The following ZNF654 variants were observed in gnomAD, a reference collection of about 807,000 sequenced individuals.
ZNF654 encodes the protein zinc finger protein 654.
ZNF654 carries 19 observed loss-of-function variants against 95.3 expected under a neutral mutation model. The ratio of observed to expected loss-of-function variants is 0.20; its 90% CI spans 0.14 to 0.29. The LOEUF is 0.29. Among genes scored for constraint, ZNF654 ranks in the 10% least tolerant of loss-of-function variants. ZNF654 has a pLI of 1.00. For synonymous variants in ZNF654, 413 were observed against 457.9 expected, an observed-to-expected ratio of 0.90 and a Z score of 1.25; for missense variants, 1,046 against 1,341.0, an observed-to-expected ratio of 0.78 and a Z score of 3.44.
At chr3:88,119,860 T>G (rs893629010) in intron 3 of ZNF654, among the ~76,000 whole-genome samples, 2 of 152,192 alleles carry the variant, frequency 1.3e-5, no homozygotes, top group African/African-American at 4.8e-5. Flanking sequence ...ACCAACTAAT[T>G]TTGAAATATG....
chr3:88,076,258 G>A lies in ZNF654; in HGVS notation c.187-9999G>A, dbSNP rs192089089. On this transcript the variant is annotated intron_variant, in intron 1 of 8. Transcript: ENST00000636215. ...AGCTTTTGCCATATTGCCATAGTTG[G>A]ATCTCCGGTCTGGTTCACTCTTGAC... Among the ~76,000 whole-genome samples, 73 of 152,224 alleles carry A rather than the reference G, an allele frequency of 4.8e-4. No individual in the cohort carries two copies. In the Middle Eastern group the frequency reaches 0.01, roughly 21 times the overall value.
intron 1 of ZNF654, among the ~76,000 whole-genome samples, chr3:88,065,640 A>G (rs1351098312): frequency 6.6e-6 from 1 of 152,114 alleles, no homozygotes; most frequent in East Asian, 1.9e-4. Context: ...AGTTTTTTAA[A>G]AATTAAACCT....
intron 1 of ZNF654, among the ~76,000 whole-genome samples, chr3:88,077,593 T>G (rs965747584): frequency 6.6e-6 from 1 of 152,180 alleles, no homozygotes; most frequent in Non-Finnish European, 1.5e-5. Flanking sequence ...ATGAAAAACT[T>G]GCATTTGTGG....
At chr3:88,069,054 A>C (rs946049887) in intron 1 of ZNF654, among the ~76,000 whole-genome samples, 40 of 152,230 alleles carry the variant, frequency 2.6e-4, no homozygotes, top group Admixed American at 6.5e-4. Context: ...TCAAGGCAGC[A>C]GAAACTAAAG....
chr3:88,101,494 GA>G (rs1466035074), intron 2 of ZNF654, among the ~76,000 whole-genome samples: 1 of 152,180 alleles, frequency 6.6e-6, no homozygotes, highest in East Asian at 1.9e-4. Context: ...TAATGTTCTT[GA>G]GGTTTACCTA....
At chr3:88,113,297 T>A in intron 3 of ZNF654, 101 bp downstream of exon 3, 1 of 642,224 alleles carries the variant, frequency 1.6e-6, no homozygotes, top group Non-Finnish European at 2.5e-6. Flanking sequence ...TATAAGTTTT[T>A]AATGATTGCT....
chr3:88,067,451 T>A (rs980282123), intron 1 of ZNF654, among the ~76,000 whole-genome samples: 1 of 152,150 alleles, frequency 6.6e-6, no homozygotes, highest in Non-Finnish European at 1.5e-5. Flanking sequence ...TATGTGTGAA[T>A]GAGCTCACAT....
intron 6 of ZNF654, among the ~76,000 whole-genome samples, chr3:88,131,478 T>C (rs1706460160): frequency 6.6e-6 from 1 of 152,180 alleles, no homozygotes; most frequent in South Asian, 2.1e-4. Flanking sequence ...GTTCTTTCAT[T>C]GTAATATACT....
At chr3:88,121,511 C>T (rs546315481) in intron 3 of ZNF654, among the ~76,000 whole-genome samples, 7 of 152,100 alleles carry the variant, frequency 4.6e-5, no homozygotes, top group African/African-American at 1.7e-4. Flanking sequence ...TTTATATGGG[C>T]AAGCTCAGAA....
chr3:88,086,523 T>C, intron 2 of ZNF654, 121 bp downstream of exon 2: 2 of 910,012 alleles, frequency 2.2e-6, no homozygotes, highest in Admixed American at 6.9e-5. Context: ...AAGAAATGTT[T>C]ATTTTTTTCA....
At chr3:88,099,772 T>C (rs1704294028) in intron 2 of ZNF654, among the ~76,000 whole-genome samples, 1 of 152,240 alleles carries the variant, frequency 6.6e-6, no homozygotes, top group South Asian at 2.1e-4. Context: ...GCTAGCCATA[T>C]GTAGAAAGCT....
At chr3:88,117,391 ATAAT>A (rs1033215980) in intron 3 of ZNF654, among the ~76,000 whole-genome samples, 1 of 152,152 alleles carries the variant, frequency 6.6e-6, no homozygotes, top group African/African-American at 2.4e-5. Context: ...GCCAGCATAA[ATAAT>A]GTCTGGATTT....
intron 3 of ZNF654, among the ~76,000 whole-genome samples, chr3:88,118,377 A>C (rs1311826602): frequency 1.3e-5 from 2 of 152,138 alleles, no homozygotes; most frequent in Non-Finnish European, 2.9e-5. Flanking sequence ...GGAGAAGTGG[A>C]AAAAATCATC....
intron 2 of ZNF654, among the ~76,000 whole-genome samples, chr3:88,104,759 GGAA>G (rs1046824215): frequency 6.6e-6 from 1 of 152,266 alleles, no homozygotes; most frequent in South Asian, 2.1e-4. Flanking sequence ...CAAAGAAGGA[GGAA>G]GAAGAGGTCA....
At chr3:88,127,114 A>G (rs1164065358) in intron 4 of ZNF654, among the ~76,000 whole-genome samples, 1 of 152,206 alleles carries the variant, frequency 6.6e-6, no homozygotes, top group East Asian at 1.9e-4. Flanking sequence ...TGTAGAAAAC[A>G]TTTAAAAGTG....
intron 7 of ZNF654, 38 bp downstream of exon 7, chr3:88,135,240 A>AGT (rs1237640020): frequency 3.7e-6 from 5 of 1,361,626 alleles, no homozygotes; most frequent in Non-Finnish European, 3.8e-6. Context: ...TTTAAAATTG[A>AGT]GTGACAGTTC....
At chr3:88,133,205 T>G (rs1168915251) in intron 6 of ZNF654, among the ~76,000 whole-genome samples, 1 of 152,108 alleles carries the variant, frequency 6.6e-6, no homozygotes, top group Non-Finnish European at 1.5e-5. Context: ...ATAGGAGACA[T>G]GGCCACTGGT....
rs1408645884 is a variant in ZNF654, at chr3:88,144,132, C to G, written c.*2480C>G. The G allele has an allele frequency of 6.6e-6, 1 of 152,202 alleles. No homozygotes were observed. The highest frequency in any genetic ancestry group is 2.4e-5 in the African/African-American group (1 of 41,370). The allele number at this position is 152,202 out of a possible 1,614,324, so 9.4% of individuals were successfully genotyped here. On this transcript the variant is annotated 3_prime_UTR_variant, in exon 9 of 9. Transcript: ENST00000636215. ...TGTGTCAGTAAGGTGAAGAAAATAG[C>G]AAATCTGAATTTTTGCTGCTCAGAT...
intron 1 of ZNF654, among the ~76,000 whole-genome samples, chr3:88,066,377 C>G (rs1012610392): frequency 6.6e-6 from 1 of 151,908 alleles, no homozygotes; most frequent in African/African-American, 2.4e-5. Flanking sequence ...AGTTCGATAC[C>G]AGCCTGGGCA....
Sources: gnomAD v4.1 joint callset for allele counts (sites outside exome capture counted in the v4.1 genomes callset) on GRCh38, gnomAD v4.1.1 for gene constraint, MANE v1.5 for transcripts, NCBI Gene and HGNC (gene_info 2026-07-23, HGNC 2026-07-21) for gene names.